Variants in EXOC4 observed in about 807,000 individuals in gnomAD.
The protein encoded by EXOC4 is SEC8-like 1.
Under a neutral mutation model 107.2 loss-of-function variants are expected in EXOC4, and 71 were observed. The observed-to-expected ratio is 0.66, with a 90% CI of 0.55 to 0.81. EXOC4 has a LOEUF of 0.81. Among genes scored for constraint, EXOC4 ranks in the 30% least tolerant of loss-of-function variants. The pLI is 0.00. For synonymous variants in EXOC4, 456 were observed against 441.2 expected (o/e 1.03, Z -0.42); for missense variants, 1,108 against 1,189.6 (o/e 0.93, Z 1.01).
intron 14 of EXOC4, among the ~76,000 whole-genome samples, chr7:133,965,513 T>C (rs969551749): frequency 6.6e-6 from 1 of 152,222 alleles, no homozygotes; most frequent in Non-Finnish European, 1.5e-5. Context: ...GTATAAGGTG[T>C]AAGGAAGAGG....
chr7:133,957,126 G>A (rs1189480720), intron 14 of EXOC4, among the ~76,000 whole-genome samples: 1 of 152,118 alleles, frequency 6.6e-6, no homozygotes, highest in African/African-American at 2.4e-5. Context: ...AGTTTTCAAT[G>A]CAAGTGTTCC....
At chr7:133,848,282 C>T (rs1010630938) in intron 11 of EXOC4, among the ~76,000 whole-genome samples, 21 of 152,076 alleles carry the variant, frequency 1.4e-4, no homozygotes, top group Non-Finnish European at 1.2e-4. Flanking sequence ...GGAGGATGCC[C>T]CCAGGGTCTG....
intron 10 of EXOC4, among the ~76,000 whole-genome samples, chr7:133,659,586 G>C (rs547467576): frequency 2.0e-5 from 3 of 152,278 alleles, no homozygotes; most frequent in African/African-American, 7.2e-5. Context: ...ATCAAAATCA[G>C]CAGGGGTTCT....
intron 9 of EXOC4, among the ~76,000 whole-genome samples, chr7:133,492,055 A>G (rs75446095): frequency 1.4e-3 from 212 of 152,312 alleles, no homozygotes; most frequent in African/African-American, 5.0e-3. Context: ...CCTGCGGGTG[A>G]TAAGGAGTCC....
intron 10 of EXOC4, among the ~76,000 whole-genome samples, chr7:133,734,925 T>G (rs1275679127): frequency 6.6e-6 from 1 of 151,332 alleles, no homozygotes; most frequent in Admixed American, 6.6e-5. Flanking sequence ...TCGTAAATGT[T>G]AAAGGCCAGG....
At chr7:134,048,594 T>A (rs1795709678) in intron 17 of EXOC4, among the ~76,000 whole-genome samples, 1 of 152,198 alleles carries the variant, frequency 6.6e-6, no homozygotes, top group Admixed American at 6.5e-5. Context: ...GGAGGAACCT[T>A]TGAGTAAAGG....
chr7:133,464,108 T>A (rs1010787907), intron 7 of EXOC4, among the ~76,000 whole-genome samples: 3 of 152,242 alleles, frequency 2.0e-5, no homozygotes, highest in East Asian at 1.9e-4. Context: ...TAGTCTGTTA[T>A]GTACTAAGCA....
intron 7 of EXOC4, among the ~76,000 whole-genome samples, chr7:133,421,903 A>G (rs919849630): frequency 4.6e-5 from 7 of 152,200 alleles, no homozygotes; most frequent in African/African-American, 1.7e-4. Flanking sequence ...ACCAAAATGA[A>G]GAATATGATC....
At chr7:133,863,938 G>C (rs989585748) in intron 11 of EXOC4, among the ~76,000 whole-genome samples, 8 of 152,068 alleles carry the variant, frequency 5.3e-5, no homozygotes, top group African/African-American at 1.7e-4. Flanking sequence ...GCTTGTATCT[G>C]CTTAGGGTGG....
chr7:133,329,987 G>T (rs529442944), intron 5 of EXOC4, among the ~76,000 whole-genome samples: 1 of 152,282 alleles, frequency 6.6e-6, no homozygotes, highest in African/African-American at 2.4e-5. Flanking sequence ...GAGCCGTCAG[G>T]CAGGGACGTT....
intron 10 of EXOC4, among the ~76,000 whole-genome samples, chr7:133,793,620 G>A (rs1466357065): frequency 1.3e-5 from 2 of 152,152 alleles, no homozygotes; most frequent in Admixed American, 6.5e-5. Flanking sequence ...CAAGGTGGAC[G>A]GATCACCTGA....
rs374589965 is a variant in EXOC4 at position 133,857,179 on chromosome 7, T to C, written c.1735-38420T>C. ...ATATATATATATATATATATATATA[T>C]ATATATATATATATATATATATTTT... On this transcript the variant is annotated intron_variant, in intron 11 of 17. Coordinates refer to ENST00000253861, the MANE Select transcript of EXOC4 (RefSeq NM_021807.4). 1.9e-3 allele frequency among the ~76,000 whole-genome samples: 36 copies of C among 19,056 alleles called. 2 individuals are homozygous for C. The highest frequency in any genetic ancestry group is 0.014 in the South Asian group (6 of 430). 12.5% of individuals were successfully genotyped at this position (19,056 alleles called of 152,430 possible).
intron 9 of EXOC4, among the ~76,000 whole-genome samples, chr7:133,588,924 GTA>G (rs769957230): frequency 9.2e-5 from 14 of 151,738 alleles, no homozygotes; most frequent in Non-Finnish European, 2.1e-4. Context: ...ATATATGTGT[GTA>G]TATGTGTGTG....
chr7:133,424,534 C>T (rs1435639875), intron 7 of EXOC4, among the ~76,000 whole-genome samples: 1 of 152,060 alleles, frequency 6.6e-6, no homozygotes, highest in Non-Finnish European at 1.5e-5. Context: ...TGGCTTCATT[C>T]TTGAAGTCAG....
chr7:133,652,362 TAAAG>T (rs1803180467), intron 10 of EXOC4, among the ~76,000 whole-genome samples: 1 of 152,170 alleles, frequency 6.6e-6, no homozygotes, highest in African/African-American at 2.4e-5. Flanking sequence ...TTATTGTTCT[TAAAG>T]AAATATAAGC....
At chr7:134,014,768 A>G (rs1004102719) in intron 17 of EXOC4, among the ~76,000 whole-genome samples, 4 of 152,042 alleles carry the variant, frequency 2.6e-5, no homozygotes, top group East Asian at 1.9e-4. Flanking sequence ...ATTATATGGT[A>G]TATGAATTAT....
At chr7:133,678,082 C>T (rs2151065112) in intron 10 of EXOC4, among the ~76,000 whole-genome samples, 1 of 152,092 alleles carries the variant, frequency 6.6e-6, no homozygotes, top group East Asian at 1.9e-4. Flanking sequence ...CGCAGTAAAG[C>T]TGCTATATAA....
rs796144338 is a variant in EXOC4, at chr7:133,332,166, G to A, written c.763+14776G>A. 2.0e-5 allele frequency among the ~76,000 whole-genome samples: 3 copies of A among 152,112 alleles called. No homozygotes were observed. The South Asian group carries it at 6.2e-4, about 32-fold the overall frequency. On this transcript the variant is annotated intron_variant, in intron 5 of 17. Transcript: ENST00000253861. Reference sequence around the variant, plus strand: ...TTATTCATGCTTCTGCTGGGATTTCGTGAATATGACTATAATGAAACTGGA... The same window carrying A: ...TTATTCATGCTTCTGCTGGGATTTCATGAATATGACTATAATGAAACTGGA...
At chr7:133,972,402 G>A (rs184376299) in intron 14 of EXOC4, among the ~76,000 whole-genome samples, 1 of 152,144 alleles carries the variant, frequency 6.6e-6, no homozygotes, top group East Asian at 1.9e-4. Context: ...ACAAAGCAAA[G>A]GTGTCTTTTC....
Sources: gnomAD v4.1 joint callset for allele counts (sites outside exome capture counted in the v4.1 genomes callset) on GRCh38, gnomAD v4.1.1 for gene constraint, MANE v1.5 for transcripts, NCBI Gene and HGNC (gene_info 2026-07-23, HGNC 2026-07-21) for gene names.